SLFN14: variants seen among roughly 807,000 people sequenced by gnomAD.
SLFN14 encodes the protein schlafen family member 14, also known as protein SLFN14.
SLFN14 carries 47 observed loss-of-function variants against 58.6 expected under a neutral mutation model. The observed-to-expected ratio is 0.80, with a 90% CI of 0.64 to 1.02. The LOEUF (loss-of-function observed/expected upper bound fraction) is 1.02, where lower values mean the gene tolerates loss of function less well. SLFN14 is among the 50% of genes least tolerant of loss of function. The pLI is 0.00. For synonymous variants in SLFN14, 390 were observed against 387.3 expected (o/e 1.01, Z -0.08); for missense variants, 967 against 1,078.4 (o/e 0.90, Z 1.45).
At chr17:35,552,041 TG>T (rs2072594096) in intron 5 of SLFN14, among the ~76,000 whole-genome samples, 1 of 152,222 alleles carries the variant, frequency 6.6e-6, no homozygotes, top group Non-Finnish European at 1.5e-5. Flanking sequence ...AAGCTACAAA[TG>T]GTTCTTCAAA....
At chr17:35,558,662 G>A (rs1332006236) in intron 2 of SLFN14, among the ~76,000 whole-genome samples, 6 of 152,042 alleles carry the variant, frequency 3.9e-5, no homozygotes, top group Non-Finnish European at 7.3e-5. Context: ...CCTAATATTT[G>A]TCATAATGGA....
chr17:35,549,522 CA>C (rs2072565520), intron 5 of SLFN14, among the ~76,000 whole-genome samples: 1 of 152,202 alleles, frequency 6.6e-6, no homozygotes, highest in Non-Finnish European at 1.5e-5. Flanking sequence ...CGGACTAGTT[CA>C]AATTCCTCTA....
At chr17:35,556,871 C>CA (rs1456866109) in intron 3 of SLFN14, 132 bp downstream of exon 3, 2 of 844,632 alleles carry the variant, frequency 2.4e-6, no homozygotes, top group East Asian at 5.4e-5. Flanking sequence ...ATAAGGAACA[C>CA]TGTAATGGGA....
Position 35,545,630 on chromosome 17 carries a change from G to A in SLFN14, c.*2609C>T, listed in dbSNP as rs11870472. 0.12 allele frequency among the ~76,000 whole-genome samples: 18,381 copies of A among 151,994 alleles called. 1,246 individuals carry two copies. Among genetic ancestry groups the A allele is most frequent in the East Asian group, 0.33 (1,692 of 5,158 alleles). On this transcript the variant is annotated 3_prime_UTR_variant, in exon 6 of 6. Transcript: ENST00000674182. ...CCACCTTGGCCTCTGGAGTAGCTAG[G>A]ATTAAAAGCATGCACCACCATGCCC...
rs2072542933 is a variant in SLFN14, at chr17:35,547,453, A to G, written c.*786T>C. ...TACCAGCTTCCCTTACTGTAAGGCTATGTTCATATAATTTGGCTTCCTATA... is the reference window on the plus strand; with the variant it reads ...TACCAGCTTCCCTTACTGTAAGGCTGTGTTCATATAATTTGGCTTCCTATA... On this transcript the variant is annotated 3_prime_UTR_variant, in exon 6 of 6. Transcript: ENST00000674182. Among the ~76,000 whole-genome samples, 1 of 152,202 alleles carries G rather than the reference A, an allele frequency of 6.6e-6. No homozygotes were observed. The highest frequency in any genetic ancestry group is 2.4e-5 in the African/African-American group (1 of 41,448).
intron 3 of SLFN14, among the ~76,000 whole-genome samples, chr17:35,555,521 C>T (rs550524770): frequency 6.6e-6 from 1 of 150,630 alleles, no homozygotes; most frequent in East Asian, 2.0e-4. Context: ...CGCTGCACTC[C>T]AGCCTAGGCG....
At chr17:35,558,841 G>A (rs1277854120) in intron 2 of SLFN14, among the ~76,000 whole-genome samples, 1 of 152,068 alleles carries the variant, frequency 6.6e-6, no homozygotes, top group Non-Finnish European at 1.5e-5. Context: ...TAATTCAAAA[G>A]GGGAAGAAAG....
In SLFN14 at chr17:35,557,644, T is replaced by TCCAGGGCAC; in HGVS notation, c.418_419insGTGCCCTGG (p.Asn140delinsSerAlaLeuAsp). 6.4e-7 allele frequency: 1 copy of TCCAGGGCAC among 1,551,700 alleles called. No individual in the cohort carries two copies. Among genetic ancestry groups the TCCAGGGCAC allele is most frequent in the African/African-American group, 1.4e-5 (1 of 73,160 alleles). On this transcript the variant is annotated protein_altering_variant, in exon 3 of 6. Coordinates refer to ENST00000674182, the MANE Select transcript of SLFN14 (RefSeq NM_001129820.2). ...CTCCAGGGCACTGCTAGCACTCAAG[T>TCCAGGGCAC]TGATAGCAGAAGTCACATCTCTCCG...
In SLFN14 at chr17:35,545,568, C is replaced by T. The variant is rs2072527808; in HGVS notation, c.*2671G>A. 6.6e-6 allele frequency among the ~76,000 whole-genome samples: 1 copy of T among 152,106 alleles called. No individual in the cohort carries two copies. The highest frequency in any genetic ancestry group is 1.5e-5 in the Non-Finnish European group (1 of 68,032). ...GGAGTGCAGTGGAGTAATCATAGGTCACTGTAGCCTCAAACTCCTGGGCTC... is the reference window on the plus strand; with the variant it reads ...GGAGTGCAGTGGAGTAATCATAGGTTACTGTAGCCTCAAACTCCTGGGCTC... On this transcript the variant is annotated 3_prime_UTR_variant, in exon 6 of 6. Coordinates refer to ENST00000674182, the MANE Select transcript of SLFN14 (RefSeq NM_001129820.2).
intron 5 of SLFN14, among the ~76,000 whole-genome samples, chr17:35,550,585 T>A (rs942080496): frequency 6.6e-5 from 10 of 152,186 alleles, no homozygotes; most frequent in Non-Finnish European, 1.5e-4. Context: ...AATGAGCATG[T>A]CTTTATTATT....
intron 5 of SLFN14, among the ~76,000 whole-genome samples, chr17:35,550,529 C>A (rs2072576114): frequency 6.6e-6 from 1 of 152,208 alleles, no homozygotes; most frequent in Non-Finnish European, 1.5e-5. Context: ...CTGGTTGACA[C>A]AGCAAGACTC....
In SLFN14 at chr17:35,557,541, A is replaced by G. The variant is rs988449512; in HGVS notation, c.522T>C (p.Asn174=). Reference sequence around the variant, plus strand: ...TATCTTCCTCTTCCTGAATGCATCTATTGAGAACCTGCTGAGGATGCAACT... The same window carrying G: ...TATCTTCCTCTTCCTGAATGCATCTGTTGAGAACCTGCTGAGGATGCAACT... ...VKKLHPQQVL[N]RCIQEEEDMR... The change falls in exon 3 of 6, where the codon AAT becomes AAC. Residue 174 remains asparagine, a synonymous_variant. Coordinates refer to ENST00000674182, the MANE Select transcript of SLFN14 (RefSeq NM_001129820.2). 19 of 1,551,540 alleles carry G rather than the reference A, an allele frequency of 1.2e-5. No individual in the cohort carries two copies. The highest frequency in any genetic ancestry group is 1.6e-5 in the Non-Finnish European group (18 of 1,147,010).
In SLFN14 at chr17:35,548,891, T is replaced by C. The variant is rs2072558756; in HGVS notation, c.2087A>G (p.His696Arg). The change falls in exon 6 of 6, where the codon CAT becomes CGT. Residue 696 changes from histidine (H) to arginine (R), a missense_variant. Physicochemically the swap from His to Arg is conservative, Grantham distance 29 (BLOSUM62 0). Transcript: ENST00000674182. ...AKGTGSENLH[H>R]GILWLFLDPF... The stretch of plus-strand genomic sequence containing the variant: ...GTCAAGAAAAAGCCAGAGAATCCCA[T>C]GGTGAAGGTTTTCACTTCCAGTCCC... The C allele has an allele frequency of 1.3e-6, 2 of 1,551,764 alleles. No homozygotes were observed. Among genetic ancestry groups the C allele is most frequent in the Admixed American group, 2.0e-5 (1 of 51,008 alleles).
intron 4 of SLFN14, 113 bp downstream of exon 4, chr17:35,554,463 G>A: frequency 1.6e-6 from 1 of 637,634 alleles, no homozygotes; most frequent in Non-Finnish European, 2.2e-6. Context: ...ATGTCGCTAA[G>A]TCCTTCATTT....
At chr17:35,550,257 G>A (rs998444446) in intron 5 of SLFN14, among the ~76,000 whole-genome samples, 1 of 152,150 alleles carries the variant, frequency 6.6e-6, no homozygotes, top group African/African-American at 2.4e-5. Flanking sequence ...TGTTAAAATG[G>A]GCATGAGGCC....
chr17:35,557,694 A>G lies in SLFN14; in HGVS notation c.369T>C (p.Ile123=). 1 of 1,551,726 alleles carries G rather than the reference A, an allele frequency of 6.4e-7. No homozygotes were observed. The highest frequency in any genetic ancestry group is 8.7e-7 in the Non-Finnish European group (1 of 1,146,986). The change falls in exon 3 of 6, where the codon ATT becomes ATC. Residue 123 remains isoleucine, a synonymous_variant. Transcript: ENST00000674182. ...GATACAAATTGGAGCGCAAGCTGCA[A>G]ATCCTTAGTGGAAGGCTGAAAACAT... The part of the protein sequence containing the change: ...SPDVFSLPLR[I]CSLRSNLYRR...
At chr17:35,553,585 G>T in intron 4 of SLFN14, 141 bp from the exon 5 acceptor site, 2 of 706,152 alleles carry the variant, frequency 2.8e-6, no homozygotes, top group Non-Finnish European at 2.3e-6. Flanking sequence ...TTAATCAGGA[G>T]CAGTTTTACT....
chr17:35,554,321 A>G (rs1048559109), intron 4 of SLFN14, among the ~76,000 whole-genome samples: 13 of 147,282 alleles, frequency 8.8e-5, no homozygotes, highest in Admixed American at 8.2e-4. Flanking sequence ...ATATATAATT[A>G]TATATAATAA....
In SLFN14 at chr17:35,548,906, C is replaced by T. The variant is rs1439011020; in HGVS notation, c.2072G>A (p.Ser691Asn). ...ITHPKAKGTGSENLHHGILWL... is the reference protein window; with the variant it reads ...ITHPKAKGTGNENLHHGILWL... ...GAGAATCCCATGGTGAAGGTTTTCA[C>T]TTCCAGTCCCCTTCGCCTTTGGATG... The change falls in exon 6 of 6, where the codon AGT (serine) becomes AAT (asparagine). Residue 691 changes from serine to asparagine, a missense_variant. Transcript: ENST00000674182. 5 of 1,551,744 alleles carry T rather than the reference C, an allele frequency of 3.2e-6. No individual in the cohort carries two copies. Among genetic ancestry groups the T allele is most frequent in the Middle Eastern group, 1.7e-4 (1 of 5,992 alleles).
Sources: gnomAD v4.1 joint callset for allele counts (sites outside exome capture counted in the v4.1 genomes callset) on GRCh38, gnomAD v4.1.1 for gene constraint, MANE v1.5 for transcripts, NCBI Gene and HGNC (gene_info 2026-07-23, HGNC 2026-07-21) for gene names.